PVT1: variants seen among roughly 807,000 people sequenced by gnomAD.
PVT1 encodes the protein Pvt1 oncogene.
intron 4 of PVT1, chr8:128,010,256 A>T (rs1347990840): frequency 6.6e-6 from 1 of 151,760 alleles, no homozygotes; most frequent in African/African-American, 2.4e-5. Context: ...AATTGTTAAA[A>T]CTCCCTGGTG....
intron 4 of PVT1, among the ~76,000 whole-genome samples, chr8:128,054,282 C>A (rs770955670): frequency 6.6e-6 from 1 of 151,224 alleles, no homozygotes; most frequent in Non-Finnish European, 1.5e-5. Context: ...ACCCCACTTT[C>A]TTTGTAGTGG....
intron 4 of PVT1, among the ~76,000 whole-genome samples, chr8:128,014,567 C>A (rs540568183): frequency 1.3e-5 from 2 of 152,074 alleles, no homozygotes; most frequent in African/African-American, 4.8e-5. Flanking sequence ...CGTGTCTGGC[C>A]GTGGGCGGTG....
chr8:128,002,969 C>G (rs975849113), intron 4 of PVT1, among the ~76,000 whole-genome samples: 7 of 8,596 alleles, frequency 8.1e-4, no homozygotes, highest in Non-Finnish European at 1.4e-3. Flanking sequence ...CTCCCTCCCT[C>G]TTCCTTCCTT....
At chr8:127,878,597 CCT>C (rs1286160511) in intron 2 of PVT1, among the ~76,000 whole-genome samples, 2 of 152,186 alleles carry the variant, frequency 1.3e-5, no homozygotes, top group Non-Finnish European at 2.9e-5. Flanking sequence ...TTCCTGTCTG[CCT>C]CTCTTTCTGT....
intron 5 of PVT1, among the ~76,000 whole-genome samples, chr8:128,090,714 A>T (rs1272263941): frequency 6.6e-6 from 1 of 152,148 alleles, no homozygotes; most frequent in Non-Finnish European, 1.5e-5. Flanking sequence ...GTCACCCCCC[A>T]TGCTCATTAC....
intron 3 of PVT1, among the ~76,000 whole-genome samples, chr8:127,917,768 CT>C (rs1424760800): frequency 2.6e-5 from 4 of 152,258 alleles, no homozygotes; most frequent in African/African-American, 9.6e-5. Context: ...GAGTCTGCCT[CT>C]GCAGTGGTGG....
chr8:128,052,315 ATGT>A (rs1813708325), intron 4 of PVT1, among the ~76,000 whole-genome samples: 1 of 152,118 alleles, frequency 6.6e-6, no homozygotes. Flanking sequence ...ATCTACACTG[ATGT>A]TGGGTGCTTA....
At chr8:127,897,050 G>A (rs1284861628) in intron 3 of PVT1, among the ~76,000 whole-genome samples, 1 of 152,122 alleles carries the variant, frequency 6.6e-6, no homozygotes, top group African/African-American at 2.4e-5. Flanking sequence ...AGTATTCAGT[G>A]TAACAAGCCT....
At chr8:128,006,357 A>G (rs1269376829) in intron 4 of PVT1, among the ~76,000 whole-genome samples, 1 of 152,158 alleles carries the variant, frequency 6.6e-6, no homozygotes, top group African/African-American at 2.4e-5. Context: ...ACTATAAAGA[A>G]TGAGATGCTG....
At chr8:128,048,920 TACTC>T (rs1813652301) in intron 4 of PVT1, among the ~76,000 whole-genome samples, 1 of 152,244 alleles carries the variant, frequency 6.6e-6, no homozygotes. Context: ...ATTTGGCTCT[TACTC>T]TTTTATTCAG....
chr8:127,904,570 A>G (rs1815797756), intron 3 of PVT1, among the ~76,000 whole-genome samples: 1 of 152,178 alleles, frequency 6.6e-6, no homozygotes, highest in Non-Finnish European at 1.5e-5. Context: ...GGTAGCCAAT[A>G]CCTGGGAAAA....
chr8:128,053,026 C>T (rs1355787390), intron 4 of PVT1, among the ~76,000 whole-genome samples: 2 of 152,198 alleles, frequency 1.3e-5, no homozygotes, highest in Non-Finnish European at 2.9e-5. Context: ...AGATGCTCAG[C>T]AAATGGGTGG....
rs190516210 is a variant in PVT1, at chr8:128,042,734, G to A, written n.913-27426G>A. ...ATCTATGAGGAGATTGGACTAGGTG[G>A]TTTATTTTATTTTATTTTATTTTAT... On this transcript the variant is annotated intron_variant and non_coding_transcript_variant, in intron 4 of 10. Transcript: ENST00000651587. Among the ~76,000 whole-genome samples the A allele has an allele frequency of 8.6e-4, 112 of 129,852 alleles. 1 individual carries two copies. Among genetic ancestry groups the A allele is most frequent in the Middle Eastern group, 3.6e-3 (1 of 280 alleles). 85.2% of individuals were successfully genotyped at this position (129,852 alleles called of 152,430 possible). A position where few individuals can be genotyped will look rare whatever the true frequency, so the allele number is the denominator to read the frequency against.
intron 4 of PVT1, among the ~76,000 whole-genome samples, chr8:128,045,387 A>G (rs1813598709): frequency 6.6e-6 from 1 of 152,164 alleles, no homozygotes; most frequent in Admixed American, 6.5e-5. Flanking sequence ...GCCACAGCTG[A>G]CCTATGTCTT....
intron 2 of PVT1, among the ~76,000 whole-genome samples, chr8:127,805,435 A>G (rs1430382570): frequency 6.6e-6 from 1 of 152,018 alleles, no homozygotes; most frequent in African/African-American, 2.4e-5. Context: ...AATTTCAGGT[A>G]AATATTGTGG....
At chr8:127,820,749 G>A (rs534769307) in intron 2 of PVT1, among the ~76,000 whole-genome samples, 1 of 151,274 alleles carries the variant, frequency 6.6e-6, no homozygotes, top group South Asian at 2.1e-4. Flanking sequence ...TCGCTTTGTC[G>A]CCCAGGCTGG....
chr8:127,970,889 G>A (rs1014504538), intron 3 of PVT1, among the ~76,000 whole-genome samples: 2 of 152,202 alleles, frequency 1.3e-5, no homozygotes, highest in Admixed American at 1.3e-4. Flanking sequence ...TGATGTCATG[G>A]CTGTTACATG....
intron 4 of PVT1, among the ~76,000 whole-genome samples, chr8:128,056,232 G>A (rs1453487385): frequency 6.6e-6 from 1 of 152,218 alleles, no homozygotes; most frequent in Non-Finnish European, 1.5e-5. Context: ...TGGGGATAAT[G>A]TTGGTACTGA....
chr8:127,797,989 T>C (rs2130184807), intron 2 of PVT1, among the ~76,000 whole-genome samples: 1 of 151,954 alleles, frequency 6.6e-6, no homozygotes, highest in East Asian at 1.9e-4. Flanking sequence ...CTCTCAGAAG[T>C]TAGAGGATAA....
Sources: allele counts gnomAD v4.1 joint callset (sites outside exome capture counted in the v4.1 genomes callset), GRCh38; gene constraint gnomAD v4.1.1; transcripts MANE v1.5; gene names NCBI Gene and HGNC (gene_info 2026-07-23, HGNC 2026-07-21).